Variants in BSN observed in about 807,000 individuals in gnomAD.
The protein encoded by BSN is protein bassoon.
A neutral mutation model predicts 264.8 loss-of-function variants in BSN; 57 were observed. The ratio of observed to expected loss-of-function variants is 0.22; its 90% CI spans 0.17 to 0.27. The LOEUF (loss-of-function observed/expected upper bound fraction) is 0.27. BSN is among the 10% of genes least tolerant of loss of function. BSN has a pLI of 1.00. For synonymous variants in BSN, 2,059 were observed against 2,137.3 expected, an observed-to-expected ratio of 0.96 and a Z score of 1.01; for missense variants, 4,615 against 5,232.5, an observed-to-expected ratio of 0.88 and a Z score of 3.64.
chr3:49,591,027 C>T (rs1559599575), intron 1 of BSN, among the ~76,000 whole-genome samples: 1 of 150,500 alleles, frequency 6.6e-6, no homozygotes, highest in Non-Finnish European at 1.5e-5. Flanking sequence ...GCTGAGATCA[C>T]ACCATTGTAC....
Position 49,617,283 on chromosome 3 carries a change from TTATATATATATATATATATA to T in BSN, c.225-7675_225-7656del, listed in dbSNP as rs6147817. On this transcript the variant is annotated intron_variant, in intron 1 of 11. Transcript: ENST00000296452. ...AAAGTAAAATAAAAAATAAAATACATTATATATATATATATATATATATATATATATATATAATTTTATAA... is the reference window on the plus strand; with the variant it reads ...AAAGTAAAATAAAAAATAAAATACATTATATATATATATATAATTTTATAA... 1.1e-3 allele frequency among the ~76,000 whole-genome samples: 132 copies of T among 122,088 alleles called. 1 individual carries two copies. Among genetic ancestry groups the T allele is most frequent in the African/African-American group, 3.8e-3 (121 of 32,076 alleles). 80.1% of individuals were successfully genotyped at this position (122,088 alleles called of 152,430 possible).
chr3:49,586,948 T>C (rs1489835895), intron 1 of BSN, among the ~76,000 whole-genome samples: 3 of 152,136 alleles, frequency 2.0e-5, no homozygotes, highest in African/African-American at 7.2e-5. Context: ...GTGAAGAATG[T>C]CATTGATAGT....
At chr3:49,577,090 A>T (rs1458248146) in intron 1 of BSN, among the ~76,000 whole-genome samples, 1 of 152,136 alleles carries the variant, frequency 6.6e-6, no homozygotes, top group Non-Finnish European at 1.5e-5. Flanking sequence ...CATTTATTCA[A>T]CAAATATGTA....
chr3:49,626,278 A>C (rs1459438503), intron 2 of BSN, among the ~76,000 whole-genome samples: 1 of 152,166 alleles, frequency 6.6e-6, no homozygotes, highest in East Asian at 1.9e-4. Flanking sequence ...GATAGGATGG[A>C]GAGAGGCTGG....
chr3:49,578,476 C>G (rs1287855997), intron 1 of BSN, among the ~76,000 whole-genome samples: 1 of 151,718 alleles, frequency 6.6e-6, no homozygotes, highest in African/African-American at 2.4e-5. Flanking sequence ...GGTGCGATCT[C>G]AGCTCACTGC....
At chr3:49,566,031 G>T (rs1254446856) in intron 1 of BSN, among the ~76,000 whole-genome samples, 1 of 152,056 alleles carries the variant, frequency 6.6e-6, no homozygotes, top group East Asian at 1.9e-4. Context: ...TGCCATGTTG[G>T]CCAGGCTGGT....
At chr3:49,565,430 C>G (rs969820307) in intron 1 of BSN, among the ~76,000 whole-genome samples, 1 of 151,572 alleles carries the variant, frequency 6.6e-6, no homozygotes. Flanking sequence ...GCGCCATTCT[C>G]CTGCCTCAGC....
intron 1 of BSN, among the ~76,000 whole-genome samples, chr3:49,591,411 C>G (rs1355820328): frequency 6.6e-6 from 1 of 152,208 alleles, no homozygotes; most frequent in Non-Finnish European, 1.5e-5. Flanking sequence ...TACCAGCACT[C>G]TTTGTCTTTT....
Position 49,664,508 on chromosome 3 carries a change from G to A in BSN, c.11694G>A (p.Lys3898=), listed in dbSNP as rs1275601329. 2 of 1,612,218 alleles carry A rather than the reference G, an allele frequency of 1.2e-6. No individual in the cohort carries two copies. Among genetic ancestry groups the A allele is most frequent in the Admixed American group, 3.3e-5 (2 of 59,736 alleles). Reference sequence around the variant, plus strand: ...CCGATGGGGAGAGCGTGTTCTCCAAGATCCTCCCTGGCGGGGCAGCCGAGC... The same window carrying A: ...CCGATGGGGAGAGCGTGTTCTCCAAAATCCTCCCTGGCGGGGCAGCCGAGC... ...PGADGESVFS[K]ILPGGAAEQA... is the part of the protein sequence containing the mutation. The change falls in exon 9 of 12, where the codon AAG becomes AAA. Residue 3898 remains lysine (K), a synonymous_variant. Coordinates refer to ENST00000296452, the MANE Select transcript of BSN (RefSeq NM_003458.4).
In BSN at chr3:49,625,566, C is replaced by T. The variant is rs939133590; in HGVS notation, c.633+183C>T. Among the ~76,000 whole-genome samples the T allele has an allele frequency of 5.3e-5, 8 of 152,270 alleles. No homozygotes were observed. Among genetic ancestry groups the T allele is most frequent in the South Asian group, 2.1e-4 (1 of 4,816 alleles). ...GTGGCAGCAAAGAACAGGGCCTGGC[C>T]CCAGATCTCCCAAGGGATTTCTGCA... On this transcript the variant is annotated intron_variant, in intron 2 of 11. Transcript: ENST00000296452. The surrounding 1 kb of genome is among the most constrained non-coding windows in gnomAD (Gnocchi z 4.4).
At chr3:49,568,496 C>T (rs2051771781) in intron 1 of BSN, among the ~76,000 whole-genome samples, 2 of 152,038 alleles carry the variant, frequency 1.3e-5, no homozygotes, top group African/African-American at 4.8e-5. Context: ...CCCACTGTTT[C>T]TTTTTGCAAA....
At chr3:49,570,561 G>A (rs2051788033) in intron 1 of BSN, among the ~76,000 whole-genome samples, 1 of 152,182 alleles carries the variant, frequency 6.6e-6, no homozygotes, top group African/African-American at 2.4e-5. Context: ...GCCCCCAGTT[G>A]GGGGTGAGGA....
rs745518562 is a variant in BSN at position 49,652,313 on chromosome 3, T to G, written c.2757T>G (p.Asp919Glu). The G allele has an allele frequency of 3.1e-6, 5 of 1,597,684 alleles. No homozygotes were observed. In the South Asian group the frequency reaches 5.6e-5, roughly 18 times the overall value. ...AGGGAGGCTCAGCAGAGGCTACCGATGGCAGTGGGACCCTGCAGGGTGGGC... is the reference window on the plus strand; with the variant it reads ...AGGGAGGCTCAGCAGAGGCTACCGAGGGCAGTGGGACCCTGCAGGGTGGGC... ...LPEGGSAEATDGSGTLQGGLR... is the reference protein window; with the variant it reads ...LPEGGSAEATEGSGTLQGGLR... The change falls in exon 5 of 12, where the codon GAT becomes GAG. Residue 919 changes from aspartate to glutamate, a missense_variant. Physicochemically the swap from Asp to Glu is conservative, Grantham distance 45. Coordinates refer to ENST00000296452, the MANE Select transcript of BSN (RefSeq NM_003458.4).
chr3:49,624,920 C>T (rs191795935), intron 1 of BSN, 55 bp from the exon 2 acceptor site: 6 of 1,463,392 alleles, frequency 4.1e-6, no homozygotes, highest in East Asian at 2.5e-5. Context: ...TAGAGACCTC[C>T]GCAAGCTGCT....
chr3:49,658,458 C>T (rs991802919), intron 5 of BSN, among the ~76,000 whole-genome samples: 9 of 152,202 alleles, frequency 5.9e-5, no homozygotes, highest in African/African-American at 1.9e-4. Context: ...TCAGCCTCCT[C>T]CCAGCACTGT....
At position 49,655,943 on chromosome 3, in the gene BSN, C is replaced by T. The variant is rs758714817; in HGVS notation, c.6387C>T (p.Pro2129=). The change falls in exon 5 of 12, where the codon CCC becomes CCT. Residue 2129 remains proline (P), a synonymous_variant. Transcript: ENST00000296452. The stretch of plus-strand genomic sequence containing the variant: ...GCCCTGACCTTGTGCAGTACCAGCC[C>T]CAGCACGGGCCCGGGCTCAGTGCTC... The part of the protein sequence containing the change: ...GGGPDLVQYQ[P]QHGPGLSAPQ... 1 of 1,611,046 alleles carries T rather than the reference C, an allele frequency of 6.2e-7. No individual in the cohort carries two copies. Among genetic ancestry groups the T allele is most frequent in the South Asian group, 1.1e-5 (1 of 91,070 alleles).
intron 1 of BSN, among the ~76,000 whole-genome samples, chr3:49,589,877 C>T (rs1441464422): frequency 2.9e-5 from 4 of 138,736 alleles, no homozygotes; most frequent in Non-Finnish European, 6.1e-5. Context: ...CTCACTCTGT[C>T]GCCAGGCTGG....
rs997005100 is a variant in BSN at position 49,651,540 on chromosome 3, C to T, written c.1987-3C>T. 9.0e-6 allele frequency: 14 copies of T among 1,551,838 alleles called. No individual in the cohort carries two copies. Among genetic ancestry groups the T allele is most frequent in the Non-Finnish European group, 1.2e-5 (14 of 1,147,020 alleles). ...TCAGTGTCTGCTTTTCACCCTGCTG[C>T]AGGACCTGGTGGGCAAGCCTTACTC... On this transcript the variant is annotated splice_polypyrimidine_tract_variant and splice_region_variant and intron_variant, in intron 4 of 11. Coordinates refer to ENST00000296452, the MANE Select transcript of BSN (RefSeq NM_003458.4). The surrounding 1 kb of genome is among the most constrained non-coding windows in gnomAD (Gnocchi z 5.4).
intron 1 of BSN, among the ~76,000 whole-genome samples, chr3:49,591,301 C>A (rs2051975064): frequency 6.6e-6 from 1 of 152,170 alleles, no homozygotes; most frequent in African/African-American, 2.4e-5. Context: ...GACACATACA[C>A]ACATTGTTTT....
Sources: allele counts gnomAD v4.1 joint callset (sites outside exome capture counted in the v4.1 genomes callset), GRCh38; gene constraint gnomAD v4.1.1; non-coding constraint Gnocchi (gnomAD v3.1); transcripts MANE v1.5; gene names NCBI Gene and HGNC (gene_info 2026-07-23, HGNC 2026-07-21).